The following SEZ6L variants were observed in gnomAD, a reference collection of about 807,000 sequenced individuals.
SEZ6L encodes seizure related 6 homolog like.
SEZ6L carries 37 observed loss-of-function variants against 106.2 expected under a neutral mutation model. The ratio of observed to expected loss-of-function variants is 0.35; its 90% CI spans 0.27 to 0.46. The LOEUF is 0.46. Ranked by LOEUF, SEZ6L falls within the 20% of genes least tolerant of loss-of-function variation. The pLI, the probability that SEZ6L is intolerant of heterozygous loss-of-function variation, is 1.00. For missense variants in SEZ6L, 1,172 were observed against 1,332.8 expected, an observed-to-expected ratio of 0.88 and a Z score of 1.88; for synonymous variants, 541 against 570.4, an observed-to-expected ratio of 0.95 and a Z score of 0.73.
intron 1 of SEZ6L, among the ~76,000 whole-genome samples, chr22:26,266,435 T>C (rs942981399): frequency 2.8e-4 from 41 of 146,008 alleles, no homozygotes; most frequent in African/African-American, 7.6e-4. Flanking sequence ...TAGCCGGGCG[T>C]GGTGGTGGGC....
At chr22:26,263,668 C>A (rs1330652248) in intron 1 of SEZ6L, among the ~76,000 whole-genome samples, 1 of 152,200 alleles carries the variant, frequency 6.6e-6, no homozygotes, top group Non-Finnish European at 1.5e-5. Context: ...CCCTTTTATG[C>A]AGTGGCCTGT....
chr22:26,266,110 C>T (rs1413298857), intron 1 of SEZ6L, among the ~76,000 whole-genome samples: 6 of 152,058 alleles, frequency 3.9e-5, no homozygotes, highest in Non-Finnish European at 5.9e-5. Flanking sequence ...ACAGTGCACA[C>T]GGGTGTGTGT....
intron 1 of SEZ6L, among the ~76,000 whole-genome samples, chr22:26,230,777 T>C (rs2078774548): frequency 1.3e-5 from 2 of 152,128 alleles, no homozygotes; most frequent in Non-Finnish European, 2.9e-5. Context: ...CCAGAGAGAA[T>C]GCATTCCAAG....
In SEZ6L at chr22:26,284,263, A is replaced by G. The variant is rs1212646124; in HGVS notation, c.95-8143A>G. ...ACTCCTAGGTGCTATTTTGCCTTTT[A>G]AAGTGAAAATATGTAAGTGTTTTTA... On this transcript the variant is annotated intron_variant, in intron 1 of 16. Transcript: ENST00000248933. 2.0e-5 allele frequency among the ~76,000 whole-genome samples: 3 copies of G among 152,216 alleles called. No individual in the cohort carries two copies. In the East Asian group the frequency reaches 5.8e-4, roughly 29 times the overall value.
intron 9 of SEZ6L, among the ~76,000 whole-genome samples, chr22:26,333,388 A>G (rs2082548708): frequency 6.6e-6 from 1 of 152,114 alleles, no homozygotes; most frequent in Admixed American, 6.5e-5. Flanking sequence ...AAATCCCTTG[A>G]GGCAGCCTCC....
chr22:26,311,860 T>A lies in SEZ6L; in HGVS notation c.1774T>A (p.Phe592Ile), dbSNP rs2081844750. The change falls in exon 8 of 17, where the codon TTC becomes ATC. Residue 592 changes from phenylalanine to isoleucine, a missense_variant. Physicochemically the swap from Phe to Ile is conservative, Grantham distance 21. Transcript: ENST00000248933. Reference protein sequence around the residue: ...PTYNIGTIVEFTCDPGHSLEQ... With the variant: ...PTYNIGTIVEITCDPGHSLEQ... ...CTATAACATTGGGACTATAGTGGAG[T>A]TCACCTGCGACCCCGGCCACTCCCT... The A allele has an allele frequency of 6.2e-7, 1 of 1,613,576 alleles. No individual in the cohort carries two copies. Among genetic ancestry groups the A allele is most frequent in the Non-Finnish European group, 8.5e-7 (1 of 1,179,880 alleles).
rs1358872260 is a variant in SEZ6L at position 26,383,372 on chromosome 22, G to A, written c.*3077G>A. On this transcript the variant is annotated 3_prime_UTR_variant, in exon 17 of 17. Transcript: ENST00000248933. ...AATGCCCTTCGAGTGAATCCGAAGG[G>A]CATGATCTTCCTATGTCCTTGACTA... 3.3e-5 allele frequency: 5 copies of A among 152,144 alleles called. No individual in the cohort carries two copies. Among genetic ancestry groups the A allele is most frequent in the Admixed American group, 1.3e-4 (2 of 15,288 alleles). 9.4% of individuals were successfully genotyped at this position (152,144 alleles called of 1,614,324 possible).
chr22:26,281,021 T>C (rs1469156302), intron 1 of SEZ6L, among the ~76,000 whole-genome samples: 1 of 152,222 alleles, frequency 6.6e-6, no homozygotes, highest in Non-Finnish European at 1.5e-5. Context: ...ATGCTTTGGC[T>C]TAAATTATTG....
intron 1 of SEZ6L, among the ~76,000 whole-genome samples, chr22:26,219,021 G>A (rs1295362159): frequency 6.6e-6 from 1 of 152,174 alleles, no homozygotes; most frequent in Non-Finnish European, 1.5e-5. Context: ...AAGAGTCATA[G>A]GCTTTTCCTT....
intron 9 of SEZ6L, among the ~76,000 whole-genome samples, chr22:26,336,562 T>C (rs2082651108): frequency 6.6e-5 from 10 of 152,192 alleles, no homozygotes; most frequent in Admixed American, 6.5e-4. Context: ...ACTGCACCTA[T>C]TGTCTTGTTC....
intron 1 of SEZ6L, among the ~76,000 whole-genome samples, chr22:26,244,017 G>T (rs1485393847): frequency 1.3e-5 from 2 of 152,158 alleles, no homozygotes; most frequent in East Asian, 3.9e-4. Flanking sequence ...ACAAAAATTA[G>T]CCAGACATGG....
Position 26,292,804 on chromosome 22 carries a change from G to T in SEZ6L, c.493G>T (p.Gly165Cys). 6.2e-7 allele frequency: 1 copy of T among 1,614,046 alleles called. No homozygotes were observed. The highest frequency in any genetic ancestry group is 8.5e-7 in the Non-Finnish European group (1 of 1,179,930). ...CCTCTCCTCCTCCACGGAGAAGCCT[G>T]GCCCACCGGGGGACCCGGACCCCAT... Reference protein sequence around the residue: ...DLLSSSTEKPGPPGDPDPIVA... With the variant: ...DLLSSSTEKPCPPGDPDPIVA... Residue 165 changes from glycine (G) to cysteine (C), a missense_variant, in exon 2 of 17, where the codon GGC (glycine) becomes TGC (cysteine). Physicochemically the swap from Gly to Cys is radical, Grantham distance 159. Transcript: ENST00000248933.
chr22:26,347,644 CT>C, intron 10 of SEZ6L, 74 bp from the exon 11 acceptor site: 1 of 1,302,824 alleles, frequency 7.7e-7, no homozygotes, highest in East Asian at 2.6e-5. Context: ...TCGCTCATCC[CT>C]CTAGCCGTCA....
chr22:26,252,037 GCAGCAGCATCAGCGA>G (rs1253165139), intron 1 of SEZ6L, among the ~76,000 whole-genome samples: 1 of 152,146 alleles, frequency 6.6e-6, no homozygotes, highest in African/African-American at 2.4e-5. Flanking sequence ...AGCGGCGGCA[GCAGCAGCATCAGCGA>G]CAGCAGCAGC....
At chr22:26,350,972 T>C in intron 11 of SEZ6L, 80 bp from the exon 12 acceptor site, 1 of 1,454,276 alleles carries the variant, frequency 6.9e-7, no homozygotes, top group South Asian at 1.3e-5. Context: ...GGAAACTTTC[T>C]AGATCATTCT....
intron 3 of SEZ6L, among the ~76,000 whole-genome samples, chr22:26,296,168 C>T (rs1402012217): frequency 2.6e-5 from 4 of 152,150 alleles, no homozygotes; most frequent in Non-Finnish European, 4.4e-5. Flanking sequence ...CTGCGTACAA[C>T]TAAAGTATCT....
Position 26,374,007 on chromosome 22 carries a change from A to G in SEZ6L, c.2827+524A>G, listed in dbSNP as rs531915766. 6.0e-4 allele frequency among the ~76,000 whole-genome samples: 92 copies of G among 152,170 alleles called. 1 individual carries two copies. Among genetic ancestry groups the G allele is most frequent in the Middle Eastern group, 6.8e-3 (2 of 294 alleles). On this transcript the variant is annotated intron_variant, in intron 14 of 16. Transcript: ENST00000248933. Reference sequence around the variant, plus strand: ...TCCCAAATGAGACTTATTAATGAGGAGCAGATGTTAAAATCTATCCAGGAT... The same window carrying G: ...TCCCAAATGAGACTTATTAATGAGGGGCAGATGTTAAAATCTATCCAGGAT...
intron 1 of SEZ6L, among the ~76,000 whole-genome samples, chr22:26,210,637 C>A (rs1176049443): frequency 6.6e-6 from 1 of 152,076 alleles, no homozygotes; most frequent in Non-Finnish European, 1.5e-5. Flanking sequence ...GCCTGGCAGC[C>A]CCGTGCACAT....
At chr22:26,221,143 C>G (rs1352889120) in intron 1 of SEZ6L, among the ~76,000 whole-genome samples, 1 of 151,986 alleles carries the variant, frequency 6.6e-6, no homozygotes, top group African/African-American at 2.4e-5. Flanking sequence ...TAAATACAAC[C>G]CAGATCCCTT....
Sources: gnomAD v4.1 joint callset for allele counts (sites outside exome capture counted in the v4.1 genomes callset) on GRCh38, gnomAD v4.1.1 for gene constraint, MANE v1.5 for transcripts, NCBI Gene and HGNC (gene_info 2026-07-23, HGNC 2026-07-21) for gene names.